STK3: variants seen among roughly 807,000 people sequenced by gnomAD.
STK3 encodes serine/threonine-protein kinase 3.
A neutral mutation model predicts 58.0 loss-of-function variants in STK3; 41 were observed. That is an observed-to-expected ratio of 0.71 (90% CI 0.55 to 0.92). The LOEUF (loss-of-function observed/expected upper bound fraction) is 0.92. Among genes scored for constraint, STK3 ranks in the 40% least tolerant of loss-of-function variants. The pLI is 0.00. For missense variants in STK3, 479 were observed against 602.7 expected (o/e 0.79, Z 2.15); for synonymous variants, 170 against 191.0 (o/e 0.89, Z 0.91).
At chr8:98,725,526 A>T (rs1258009734) in intron 4 of STK3, among the ~76,000 whole-genome samples, 1 of 152,152 alleles carries the variant, frequency 6.6e-6, no homozygotes, top group Non-Finnish European at 1.5e-5. Flanking sequence ...TCCATATAAT[A>T]CTGTTAAAAT....
chr8:98,916,204 C>G (rs1036871715), intron 1 of STK3, among the ~76,000 whole-genome samples: 13 of 152,164 alleles, frequency 8.5e-5, no homozygotes, highest in Non-Finnish European at 2.9e-5. Context: ...CACTTGAGGT[C>G]AGGAGTTCGA....
intron 1 of STK3, among the ~76,000 whole-genome samples, chr8:98,935,990 C>A (rs1458632514): frequency 6.6e-6 from 1 of 151,926 alleles, no homozygotes. Context: ...AATATTGGCT[C>A]ACTGCAAGCT....
chr8:98,761,689 C>G (rs1455677477), intron 3 of STK3, among the ~76,000 whole-genome samples: 1 of 152,150 alleles, frequency 6.6e-6, no homozygotes, highest in South Asian at 2.1e-4. Context: ...CAGCATAAAT[C>G]TCAATCACAC....
intron 1 of STK3, among the ~76,000 whole-genome samples, chr8:98,919,720 G>C (rs1202763706): frequency 6.6e-6 from 1 of 152,094 alleles, no homozygotes; most frequent in African/African-American, 2.4e-5. Flanking sequence ...GAATGAGATG[G>C]GTACATGAGT....
intron 6 of STK3, among the ~76,000 whole-genome samples, chr8:98,694,218 A>G (rs1587318710): frequency 6.6e-6 from 1 of 152,216 alleles, no homozygotes; most frequent in East Asian, 1.9e-4. Context: ...TCTTCAGGAA[A>G]GGATAGCATT....
chr8:98,512,605 G>GA (rs1319735667), intron 10 of STK3, among the ~76,000 whole-genome samples: 1 of 151,930 alleles, frequency 6.6e-6, no homozygotes, highest in Non-Finnish European at 1.5e-5. Context: ...TTCCTTCCTT[G>GA]AAAAAACCTA....
intron 8 of STK3, among the ~76,000 whole-genome samples, chr8:98,556,581 A>C (rs1401460382): frequency 6.6e-6 from 1 of 152,098 alleles, no homozygotes; most frequent in Non-Finnish European, 1.5e-5. Context: ...ATGGAAAGCA[A>C]TGAGTAAGTT....
At chr8:98,398,790 C>T (rs542569438), downstream of STK3, among the ~76,000 whole-genome samples, 16 of 152,298 alleles carry the variant, frequency 1.1e-4, no homozygotes, top group South Asian at 3.1e-3. Flanking sequence ...GGTAATATTC[C>T]CTGTTTCTTC....
intron 3 of STK3, among the ~76,000 whole-genome samples, chr8:98,855,420 G>A (rs1222021027): frequency 6.6e-6 from 1 of 152,164 alleles, no homozygotes; most frequent in African/African-American, 2.4e-5. Flanking sequence ...GGGAAAGAAT[G>A]TCTTTTCAAT....
intron 7 of STK3, among the ~76,000 whole-genome samples, chr8:98,582,755 T>C (rs1814030849): frequency 6.6e-6 from 1 of 152,170 alleles, no homozygotes; most frequent in South Asian, 2.1e-4. Context: ...TTTCTAAGCA[T>C]TTAACAAAAA....
At chr8:98,344,107 GA>G in the STK3 span, among the ~76,000 whole-genome samples, 3 of 152,168 alleles carry the variant, frequency 2.0e-5, no homozygotes, top group African/African-American at 7.2e-5. Context: ...GCATTTATTT[GA>G]ATGTGATTTT....
chr8:98,369,411 GT>G (rs1479217147), downstream of STK3, among the ~76,000 whole-genome samples: 2 of 152,164 alleles, frequency 1.3e-5, no homozygotes, highest in Admixed American at 6.5e-5. Flanking sequence ...GTAGGAGGGA[GT>G]TTTTTGGATC....
intron 2 of STK3, among the ~76,000 whole-genome samples, chr8:98,376,503 C>T (rs995744572): frequency 6.9e-6 from 1 of 143,954 alleles, no homozygotes; most frequent in South Asian, 2.2e-4. Flanking sequence ...AACCCAAGGT[C>T]GCATAGATTT....
intron 3 of STK3, among the ~76,000 whole-genome samples, chr8:98,835,879 C>A (rs989913036): frequency 1.4e-4 from 21 of 152,106 alleles, no homozygotes; most frequent in Admixed American, 1.2e-3. Flanking sequence ...GCTGCTATAA[C>A]AAAACATCAT....
chr8:98,920,854 G>C (rs1393877873), intron 1 of STK3, among the ~76,000 whole-genome samples: 2 of 152,276 alleles, frequency 1.3e-5, no homozygotes, highest in Non-Finnish European at 2.9e-5. Context: ...ACAGTGCAAA[G>C]AGCTGGGAGG....
At chr8:98,346,649 C>A in the STK3 span, among the ~76,000 whole-genome samples, 2,896 of 151,780 alleles carry the variant, frequency 0.019, 68 homozygotes, top group Non-Finnish European at 0.022. Flanking sequence ...CAGATTTCTC[C>A]TTGGGAGAAA....
chr8:98,626,982 G>A (rs899176692), intron 6 of STK3, among the ~76,000 whole-genome samples: 1 of 152,164 alleles, frequency 6.6e-6, no homozygotes, highest in South Asian at 2.1e-4. Flanking sequence ...AGAATGTAGA[G>A]AGAAAAGATT....
chr8:98,659,768 T>C (rs1373473043), intron 6 of STK3, among the ~76,000 whole-genome samples: 1 of 151,938 alleles, frequency 6.6e-6, no homozygotes, highest in African/African-American at 2.4e-5. Context: ...GATGTATAAT[T>C]AACATAGCAA....
chr8:98,904,751 GC>G, intron 1 of STK3: 1 of 805,926 alleles, frequency 1.2e-6, no homozygotes, highest in Non-Finnish European at 2.1e-6. Context: ...CATGGCTGCA[GC>G]ATGACGCGGT....
Sources: allele counts gnomAD v4.1 joint callset (sites outside exome capture counted in the v4.1 genomes callset), GRCh38; gene constraint gnomAD v4.1.1; transcripts MANE v1.5; gene names NCBI Gene and HGNC (gene_info 2026-07-23, HGNC 2026-07-21).